Variants in CNTNAP3 observed in about 807,000 individuals in gnomAD.
The protein encoded by CNTNAP3 is contactin-associated protein-like 3.
In CNTNAP3, 36 loss-of-function variants were observed where a neutral mutation model predicts 92.1. The ratio of observed to expected loss-of-function variants is 0.39; its 90% CI spans 0.30 to 0.52. The LOEUF is 0.52. Ranked by LOEUF, CNTNAP3 falls within the 20% of genes least tolerant of loss-of-function variation. The pLI is 0.76. For missense variants in CNTNAP3, 534 were observed against 1,069.6 expected (o/e 0.50, Z 6.98); for synonymous variants, 232 against 422.3 (o/e 0.55, Z 5.53).
intron 10 of CNTNAP3, among the ~76,000 whole-genome samples, chr9:39,149,528 T>G (rs942582841): frequency 6.0e-5 from 9 of 151,252 alleles, no homozygotes; most frequent in African/African-American, 1.9e-4. Flanking sequence ...TTTTTTTTTT[T>G]TGTATTTTTA....
At chr9:39,106,470 G>C (rs931506491) in intron 15 of CNTNAP3, 11 of 152,238 alleles carry the variant, frequency 7.2e-5, no homozygotes, top group African/African-American at 1.2e-4. Flanking sequence ...TTTTTTGTAA[G>C]AGACGGGGTC....
At chr9:39,116,773 T>G (rs1041606486) in intron 14 of CNTNAP3, among the ~76,000 whole-genome samples, 1 of 152,238 alleles carries the variant, frequency 6.6e-6, no homozygotes, top group African/African-American at 2.4e-5. Context: ...ATGTATTCTA[T>G]AGAAAGCTCC....
In CNTNAP3 at chr9:39,109,296, C is replaced by G. The variant is rs778706059; in HGVS notation, c.2238-9G>C. Reference sequence around the variant, plus strand: ...CTATTGTGTCACTAGTCCTAAAGAACAACAACCGAAACCATTAAAATTATT... The same window carrying G: ...CTATTGTGTCACTAGTCCTAAAGAAGAACAACCGAAACCATTAAAATTATT... On this transcript the variant is annotated splice_polypyrimidine_tract_variant and intron_variant, in intron 14 of 23. Transcript: ENST00000297668. 2 of 1,611,272 alleles carry G rather than the reference C, an allele frequency of 1.2e-6. No homozygotes were observed. Among genetic ancestry groups the G allele is most frequent in the Non-Finnish European group, 1.7e-6 (2 of 1,179,440 alleles).
chr9:39,146,663 T>C (rs1821708644), intron 10 of CNTNAP3, among the ~76,000 whole-genome samples: 1 of 152,158 alleles, frequency 6.6e-6, no homozygotes, highest in Admixed American at 6.5e-5. Context: ...CACTCCAGCC[T>C]GGGCGACAGA....
chr9:39,090,023 T>TCTGCCTCCTGGGTTCACACCATTCTC (rs1452102791), intron 18 of CNTNAP3, among the ~76,000 whole-genome samples: 1 of 152,160 alleles, frequency 6.6e-6, no homozygotes, highest in African/African-American at 2.4e-5. Context: ...CACTGCAAGC[T>TCTGCCTCCTGGGTTCACACCATTCTC]CTGCCTCCTG....
Position 39,140,546 on chromosome 9 carries a change from G to C in CNTNAP3, c.1849C>G (p.Pro617Ala). ...IDADGSGPLG[P>A]FLVYCNMTAD... ...GTCATATTGCAGTACACAAGAAATG[G>C]TCCCAGGGGGCCACTTCCATCTGCA... The change falls in exon 12 of 24, where the codon CCA becomes GCA. Residue 617 changes from proline to alanine, a missense_variant. Pro to Ala is a conservative substitution (Grantham distance 27, BLOSUM62 -1). Coordinates refer to ENST00000297668, the MANE Select transcript of CNTNAP3 (RefSeq NM_033655.5). 6.2e-7 allele frequency: 1 copy of C among 1,613,754 alleles called. No individual in the cohort carries two copies. Among genetic ancestry groups the C allele is most frequent in the Non-Finnish European group, 8.5e-7 (1 of 1,179,806 alleles).
chr9:39,105,110 T>C (rs151002593), intron 15 of CNTNAP3, among the ~76,000 whole-genome samples: 1,879 of 152,214 alleles, frequency 0.012, 42 homozygotes, highest in African/African-American at 0.042. Flanking sequence ...TCCACATTAA[T>C]TGGTTGACAT....
intron 9 of CNTNAP3, among the ~76,000 whole-genome samples, chr9:39,158,130 G>A (rs187580755): frequency 1.1e-4 from 14 of 130,738 alleles, no homozygotes; most frequent in Admixed American, 5.1e-4. Context: ...CAGAGGAGCC[G>A]AGTCTCTGGG....
chr9:39,146,773 G>A (rs1291401329), intron 10 of CNTNAP3, among the ~76,000 whole-genome samples: 1 of 152,186 alleles, frequency 6.6e-6, no homozygotes, highest in Non-Finnish European at 1.5e-5. Context: ...AGTGCCCATT[G>A]CTATTTTTTG....
chr9:39,123,588 C>A (rs1189439197), intron 13 of CNTNAP3, among the ~76,000 whole-genome samples: 1 of 152,024 alleles, frequency 6.6e-6, no homozygotes, highest in Non-Finnish European at 1.5e-5. Context: ...ACAAAAAAAT[C>A]CACACCTAGG....
In CNTNAP3 at chr9:39,065,478, T is replaced by C. The variant is rs1454872630; in HGVS notation, c.*8412A>G. On this transcript the variant is annotated 3_prime_UTR_variant, in exon 24 of 24. Coordinates refer to ENST00000297668, the MANE Select transcript of CNTNAP3 (RefSeq NM_033655.5). ...TATAATGGGCATAAGTTTTCATTTC[T>C]TTTCAATCTAGGATTGGAATTGTTG... 6.7e-6 allele frequency among the ~76,000 whole-genome samples: 1 copy of C among 150,118 alleles called. No individual in the cohort carries two copies. The highest frequency in any genetic ancestry group is 2.5e-5 in the African/African-American group (1 of 40,434).
chr9:39,168,582 C>T (rs2118219821), intron 8 of CNTNAP3, among the ~76,000 whole-genome samples: 1 of 35,516 alleles, frequency 2.8e-5, no homozygotes, highest in African/African-American at 1.1e-4. Context: ...AAAAAGTGCC[C>T]TCTTTAAGAA....
rs1825590234 is a variant in CNTNAP3 at position 39,069,492 on chromosome 9, G to A, written c.*4398C>T. On this transcript the variant is annotated 3_prime_UTR_variant, in exon 24 of 24. Transcript: ENST00000297668. ...GATTTTAAACATTTTTATTCACAGA[G>A]CAAATGCAACCATGTGAACCTCACA... is the stretch of plus-strand genomic sequence containing the variant. 6.6e-6 allele frequency among the ~76,000 whole-genome samples: 1 copy of A among 152,306 alleles called. No homozygotes were observed. Among genetic ancestry groups the A allele is most frequent in the African/African-American group, 2.4e-5 (1 of 41,486 alleles).
chr9:39,091,896 A>C (rs1826213151), intron 18 of CNTNAP3, among the ~76,000 whole-genome samples: 1 of 151,968 alleles, frequency 6.6e-6, no homozygotes, highest in African/African-American at 2.4e-5. Context: ...AATATTATTA[A>C]GACATTCCTT....
At chr9:39,109,052 C>T in intron 15 of CNTNAP3, 108 bp downstream of exon 15, 2 of 1,472,042 alleles carry the variant, frequency 1.4e-6, no homozygotes, top group Non-Finnish European at 1.8e-6. Flanking sequence ...CGCCCCAGTC[C>T]TAGTACTGCC....
intron 18 of CNTNAP3, among the ~76,000 whole-genome samples, chr9:39,089,355 G>A (rs1400052285): frequency 9.9e-5 from 15 of 152,214 alleles, no homozygotes; most frequent in Admixed American, 9.8e-4. Context: ...GTATTTTCAA[G>A]GTTCATCCAT....
chr9:39,147,535 G>A (rs554072495), intron 10 of CNTNAP3, among the ~76,000 whole-genome samples: 290 of 152,200 alleles, frequency 1.9e-3, no homozygotes, highest in African/African-American at 6.6e-3. Context: ...ATAGTAAATA[G>A]CCTTTATTTG....
chr9:39,111,025 A>C (rs1266442787), intron 14 of CNTNAP3, among the ~76,000 whole-genome samples: 1 of 152,190 alleles, frequency 6.6e-6, no homozygotes. Flanking sequence ...TTTTCAAAAT[A>C]AGGCTTTCTG....
intron 13 of CNTNAP3, among the ~76,000 whole-genome samples, chr9:39,130,403 A>G (rs1563887076): frequency 1.3e-5 from 2 of 152,164 alleles, no homozygotes; most frequent in African/African-American, 4.8e-5. Context: ...TACATACTAT[A>G]TAATTTCATT....
Sources: allele counts gnomAD v4.1 joint callset (sites outside exome capture counted in the v4.1 genomes callset), GRCh38; gene constraint gnomAD v4.1.1; transcripts MANE v1.5; gene names NCBI Gene and HGNC (gene_info 2026-07-23, HGNC 2026-07-21).